The following B4GALNT2 variants were observed in gnomAD, a reference collection of about 807,000 sequenced individuals.
B4GALNT2 encodes N-acetylneuraminylgalactosylglucosyl-glucoside beta-1,4-N- acetylgalactosaminyltransferase 2.
B4GALNT2 carries 42 observed loss-of-function variants against 51.1 expected under a neutral mutation model. The ratio of observed to expected loss-of-function variants is 0.82; its 90% CI spans 0.64 to 1.06. The LOEUF is 1.06. Ranked by LOEUF, B4GALNT2 falls within the 50% of genes least tolerant of loss-of-function variation. B4GALNT2 has a pLI of 0.00. For synonymous variants in B4GALNT2, 253 were observed against 251.7 expected (o/e 1.01, Z -0.05); for missense variants, 602 against 633.6 (o/e 0.95, Z 0.54).
chr17:49,164,136 G>A lies in B4GALNT2; in HGVS notation c.815G>A (p.Arg272His), dbSNP rs201209295. 1.9e-4 allele frequency: 303 copies of A among 1,613,988 alleles called. No individual in the cohort carries two copies. Among genetic ancestry groups the A allele is most frequent in the African/African-American group, 4.1e-4 (31 of 75,004 alleles). Residue 272 changes from arginine (R) to histidine (H), a missense_variant, in exon 8 of 11, where the codon CGC becomes CAC. Arg to His is a conservative substitution (Grantham distance 29). Coordinates refer to ENST00000393354, the MANE Select transcript of B4GALNT2 (RefSeq NM_001159387.2). ...ACCATTGCTACCAAGACTTTCCTCC[G>A]CCCCCACAAGCTCATGATCATGCTC... Reference protein sequence around the residue: ...LVTIATKTFLRPHKLMIMLRS... With the variant: ...LVTIATKTFLHPHKLMIMLRS...
In B4GALNT2 at chr17:49,171,210, G is replaced by A. The variant is rs1242814852; in HGVS notation, c.*1482G>A. 4.2e-6 allele frequency: 1 copy of A among 239,046 alleles called. No individual in the cohort carries two copies. Among genetic ancestry groups the A allele is most frequent in the South Asian group, 4.4e-5 (1 of 22,856 alleles). The allele number at this position is 239,046 out of a possible 1,614,324, so 14.8% of individuals were successfully genotyped here. A position where few individuals can be genotyped will look rare whatever the true frequency, so the allele number is the denominator to read the frequency against. ...AGCAAAGGCAGCTTTGTCATGGTGA[G>A]CTAATTCTCACAGGAGTCAGGATCC... On this transcript the variant is annotated 3_prime_UTR_variant, in exon 11 of 11. Coordinates refer to ENST00000393354, the MANE Select transcript of B4GALNT2 (RefSeq NM_001159387.2).
chr17:49,156,036 T>A (rs2042806910), intron 4 of B4GALNT2, among the ~76,000 whole-genome samples: 2 of 152,140 alleles, frequency 1.3e-5, no homozygotes, highest in Admixed American at 6.5e-5. Context: ...CAAAATTAAC[T>A]ATTTTAACCA....
intron 10 of B4GALNT2, 141 bp from the exon 11 acceptor site, chr17:49,169,382 G>A (rs1291221125): frequency 1.4e-6 from 1 of 724,776 alleles, no homozygotes; most frequent in Non-Finnish European, 2.4e-6. Context: ...CTAGAGTTAA[G>A]GGTGTGGCTT....
At chr17:49,132,921 G>GC (rs2042552668) in intron 1 of B4GALNT2, 115 bp downstream of exon 1, 4 of 1,378,112 alleles carry the variant, frequency 2.9e-6, no homozygotes, top group African/African-American at 1.5e-5. Flanking sequence ...AGACGCCGGA[G>GC]CCAGGGAGCG....
At chr17:49,148,904 A>C (rs2042723097) in intron 3 of B4GALNT2, 1 of 184,356 alleles carries the variant, frequency 5.4e-6, no homozygotes, top group African/African-American at 2.4e-5. Flanking sequence ...AAAAATACAA[A>C]AATTAGCTGG....
At chr17:49,168,471 G>T (rs965453039) in intron 9 of B4GALNT2, among the ~76,000 whole-genome samples, 2 of 152,172 alleles carry the variant, frequency 1.3e-5, no homozygotes, top group African/African-American at 4.8e-5. Flanking sequence ...GGGGTAGGCA[G>T]GAAATGAAAG....
intron 1 of B4GALNT2, chr17:49,133,311 G>A (rs2042558588): frequency 7.2e-7 from 1 of 1,385,984 alleles, no homozygotes; most frequent in East Asian, 3.1e-5. Flanking sequence ...CGGAGTCAGG[G>A]AAAAGTCGGT....
At chr17:49,138,864 G>A (rs1457563585) in intron 1 of B4GALNT2, among the ~76,000 whole-genome samples, 6 of 152,214 alleles carry the variant, frequency 3.9e-5, no homozygotes, top group South Asian at 2.1e-4. Context: ...GTGACAAAGC[G>A]AGACTCTGTC....
In B4GALNT2 at chr17:49,173,216, GC is replaced by G. The variant is rs2042968502; in HGVS notation, c.*3490del. On this transcript the variant is annotated 3_prime_UTR_variant, in exon 11 of 11. Transcript: ENST00000393354. ...TGCTGTTTGCAATTGGGTAAATAAA[GC>G]CATCAGTTGCTCATCTGTGTGGAAT... 1.3e-5 allele frequency: 2 copies of G among 152,318 alleles called. No homozygotes were observed. The highest frequency in any genetic ancestry group is 3.4e-3 in the Middle Eastern group (1 of 294). The allele number at this position is 152,318 out of a possible 1,614,324, so 9.4% of individuals were successfully genotyped here. A position where few individuals can be genotyped will look rare whatever the true frequency, so the allele number is the denominator to read the frequency against.
chr17:49,133,305 G>A (rs2042558499), intron 1 of B4GALNT2: 17 of 1,395,036 alleles, frequency 1.2e-5, no homozygotes, highest in South Asian at 3.2e-5. Flanking sequence ...TCCGCGCGGA[G>A]TCAGGGAAAA....
At chr17:49,138,322 G>A (rs972121441) in intron 1 of B4GALNT2, among the ~76,000 whole-genome samples, 5 of 152,126 alleles carry the variant, frequency 3.3e-5, no homozygotes, top group African/African-American at 1.2e-4. Context: ...GATCATATGG[G>A]CCACCTAAGA....
chr17:49,158,967 T>G (rs1009055200), intron 5 of B4GALNT2, 70 bp from the exon 6 acceptor site: 2 of 1,524,860 alleles, frequency 1.3e-6, no homozygotes, highest in East Asian at 4.5e-5. Context: ...GGCCTGGGTA[T>G]GTATGTATCT....
chr17:49,140,762 A>G (rs1342568174), intron 1 of B4GALNT2, among the ~76,000 whole-genome samples: 1 of 127,510 alleles, frequency 7.8e-6, no homozygotes, highest in Non-Finnish European at 1.6e-5. Context: ...CTCTGTCGCC[A>G]GGCTGGAGTG....
Position 49,166,251 on chromosome 17 carries a change from C to T in B4GALNT2, c.1092C>T (p.Asp364=), listed in dbSNP as rs144236747. 213 of 1,611,318 alleles carry T rather than the reference C, an allele frequency of 1.3e-4. No homozygotes were observed. The African/African-American group carries it at 2.5e-3, about 19-fold the overall frequency. Residue 364 remains aspartate, a synonymous_variant, in exon 9 of 11, where the codon GAC becomes GAT. Coordinates refer to ENST00000393354, the MANE Select transcript of B4GALNT2 (RefSeq NM_001159387.2). ...LVDVLEKTEL[D]VVGGSVLGNV... is the part of the protein sequence containing the mutation. ...ATGTCCTGGAGAAAACAGAACTGGA[C>T]GTGGTAAGGGACAGTTGCCAGTTTC...
chr17:49,169,647 A>C lies in B4GALNT2; in HGVS notation c.1440A>C (p.Thr480=). 1 of 1,612,508 alleles carries C rather than the reference A, an allele frequency of 6.2e-7. No individual in the cohort carries two copies. Among genetic ancestry groups the C allele is most frequent in the Non-Finnish European group, 8.5e-7 (1 of 1,179,184 alleles). ...CTGCCCTAGAGAAGACCTACAATAC[A>C]TACCGGTCCAACACCCTCACCCGGG... is the stretch of plus-strand genomic sequence containing the variant. The part of the protein sequence containing the change: ...ELAALEKTYN[T]YRSNTLTRVQ... Residue 480 remains threonine (T), a synonymous_variant, in exon 11 of 11, where the codon ACA becomes ACC. Transcript: ENST00000393354.
intron 3 of B4GALNT2, among the ~76,000 whole-genome samples, chr17:49,150,065 A>C (rs912357679): frequency 1.4e-5 from 2 of 146,340 alleles, no homozygotes; most frequent in African/African-American, 2.5e-5. Context: ...AAAATTTTGG[A>C]GGTCGGGGGG....
chr17:49,154,592 G>A (rs1444711052), intron 4 of B4GALNT2, among the ~76,000 whole-genome samples: 2 of 151,810 alleles, frequency 1.3e-5, no homozygotes, highest in African/African-American at 4.8e-5. Context: ...GTAAGGTCTC[G>A]GTGTGGTGAC....
intron 7 of B4GALNT2, among the ~76,000 whole-genome samples, chr17:49,162,912 C>A (rs376790809): frequency 6.9e-4 from 37 of 53,634 alleles, no homozygotes; most frequent in Admixed American, 1.4e-3. Context: ...GAAACTGTCT[C>A]AAAAAAAAAA....
At chr17:49,137,868 A>G (rs2042604554) in intron 1 of B4GALNT2, among the ~76,000 whole-genome samples, 1 of 152,198 alleles carries the variant, frequency 6.6e-6, no homozygotes, top group South Asian at 2.1e-4. Flanking sequence ...ATAACAGCAC[A>G]AGATGAGACT....
Sources: allele counts gnomAD v4.1 joint callset (sites outside exome capture counted in the v4.1 genomes callset), GRCh38; gene constraint gnomAD v4.1.1; transcripts MANE v1.5; gene names NCBI Gene and HGNC (gene_info 2026-07-23, HGNC 2026-07-21).